TEX11: variants seen among roughly 807,000 people sequenced by gnomAD.
TEX11 encodes testis expressed 11.
Under a neutral mutation model 84.4 loss-of-function variants are expected in TEX11, and 7 were observed. The ratio of observed to expected loss-of-function variants is 0.08; its 90% CI spans 0.05 to 0.16. The LOEUF (loss-of-function observed/expected upper bound fraction) is 0.16. Among genes scored for constraint, TEX11 ranks in the 10% least tolerant of loss-of-function variants. The pLI, the probability that TEX11 is intolerant of heterozygous loss-of-function variation, is 1.00. For synonymous variants in TEX11, 264 were observed against 222.8 expected, an observed-to-expected ratio of 1.18 and a Z score of -1.64; for missense variants, 551 against 660.5, an observed-to-expected ratio of 0.83 and a Z score of 1.82.
chrX:70,885,249 G>A (rs1244322456), intron 2 of TEX11, among the ~76,000 whole-genome samples: 1 of 111,569 alleles, frequency 9.0e-6, no homozygotes, highest in Non-Finnish European at 1.9e-5. Context: ...CCAACAGTGG[G>A]TCAAGGAAAA....
chrX:70,732,253 A>G (rs1206496377), intron 11 of TEX11, among the ~76,000 whole-genome samples: 2 of 111,831 alleles, frequency 1.8e-5, no homozygotes, highest in African/African-American at 6.5e-5. Context: ...CAAGACAGGG[A>G]TGCCCTCTCT....
chrX:70,785,344 A>G (rs993352153), intron 9 of TEX11, among the ~76,000 whole-genome samples: 5 of 111,724 alleles, frequency 4.5e-5, no homozygotes, highest in Non-Finnish European at 9.4e-5. Context: ...ATTAAATGTT[A>G]GACCTGAAAC....
Position 70,722,599 on chromosome X carries a change from A to T in TEX11, c.1004+19T>A, listed in dbSNP as rs2090568617. 5 of 1,185,025 alleles carry T rather than the reference A, an allele frequency of 4.2e-6. No individual in the cohort carries two copies. Among genetic ancestry groups the T allele is most frequent in the African/African-American group, 1.8e-5 (1 of 56,647 alleles). The stretch of plus-strand genomic sequence containing the variant: ...CCAAAAACTGTCAGTCTTTAGAGAA[A>T]GGGAAATCAATTCTGTACCTTTCAT... On this transcript the variant is annotated intron_variant, in intron 13 of 29. Coordinates refer to ENST00000374333, the MANE Select transcript of TEX11 (RefSeq NM_031276.3).
intron 9 of TEX11, among the ~76,000 whole-genome samples, chrX:70,779,210 T>C (rs2091020856): frequency 9.2e-6 from 1 of 108,509 alleles, no homozygotes; most frequent in Non-Finnish European, 1.9e-5. Flanking sequence ...AGGTCAGGAG[T>C]TCTAGACCAG....
At chrX:70,588,816 C>CA in intron 25 of TEX11, among the ~76,000 whole-genome samples, 1 of 109,724 alleles carries the variant, frequency 9.1e-6, no homozygotes, top group Non-Finnish European at 1.9e-5. Context: ...CACCTGTAAT[C>CA]ACAGCACTTA....
At chrX:70,698,602 T>A (rs757662034) in intron 13 of TEX11, among the ~76,000 whole-genome samples, 1 of 109,225 alleles carries the variant, frequency 9.2e-6, no homozygotes, top group East Asian at 2.9e-4. Flanking sequence ...TTTGTGATGA[T>A]CCTAGAGGAA....
chrX:70,550,220 T>C (rs142616454), intron 28 of TEX11, among the ~76,000 whole-genome samples: 1 of 112,714 alleles, frequency 8.9e-6, no homozygotes. Flanking sequence ...GATCCCTATG[T>C]CTTGCCTTAT....
At chrX:70,760,825 C>A (rs539803979) in intron 9 of TEX11, among the ~76,000 whole-genome samples, 62 of 111,541 alleles carry the variant, frequency 5.6e-4, no homozygotes, top group African/African-American at 2.0e-3. Flanking sequence ...AACAGGCAGC[C>A]TACAGAATGG....
intron 17 of TEX11, among the ~76,000 whole-genome samples, chrX:70,639,413 C>A (rs1401232363): frequency 5.4e-5 from 6 of 112,099 alleles, no homozygotes; most frequent in Non-Finnish European, 1.1e-4. Context: ...GAGTGGAGCC[C>A]ACCACAGCTC....
At chrX:70,698,822 T>C (rs988465965) in intron 13 of TEX11, among the ~76,000 whole-genome samples, 2 of 111,579 alleles carry the variant, frequency 1.8e-5, no homozygotes, top group Non-Finnish European at 3.8e-5. Context: ...AATCCTTATA[T>C]GGCAAGAGAA....
intron 28 of TEX11, among the ~76,000 whole-genome samples, chrX:70,534,322 T>G (rs1346255319): frequency 3.6e-5 from 4 of 110,368 alleles, no homozygotes; most frequent in Non-Finnish European, 5.7e-5. Flanking sequence ...TAGTACTTGG[T>G]GATAGATTAG....
At chrX:70,699,780 G>T (rs1261548426) in intron 13 of TEX11, among the ~76,000 whole-genome samples, 1 of 111,018 alleles carries the variant, frequency 9.0e-6, no homozygotes, top group East Asian at 2.8e-4. Flanking sequence ...ATAGATTGTT[G>T]CTTGAGATAC....
intron 20 of TEX11, among the ~76,000 whole-genome samples, chrX:70,615,138 T>C (rs1435608565): frequency 1.8e-5 from 2 of 110,965 alleles, no homozygotes; most frequent in Non-Finnish European, 3.8e-5. Flanking sequence ...GCCCAGATAC[T>C]GATGAACACC....
chrX:70,752,736 C>A (rs913070791), intron 9 of TEX11, among the ~76,000 whole-genome samples: 1 of 110,013 alleles, frequency 9.1e-6, no homozygotes, highest in Non-Finnish European at 1.9e-5. Context: ...AATCACCTTC[C>A]TAAGAACCAG....
chrX:70,724,528 G>C (rs1217130252), intron 12 of TEX11, among the ~76,000 whole-genome samples: 3 of 111,533 alleles, frequency 2.7e-5, no homozygotes, highest in African/African-American at 9.7e-5. Flanking sequence ...TTACTGAAAA[G>C]CATGTACAAC....
chrX:70,794,195 G>A (rs2091141834), intron 9 of TEX11, among the ~76,000 whole-genome samples: 1 of 111,574 alleles, frequency 9.0e-6, no homozygotes, highest in African/African-American at 3.3e-5. Flanking sequence ...GCGTTTGGGG[G>A]ATAGAGAGTG....
At chrX:70,621,126 C>T (rs192976997) in intron 20 of TEX11, among the ~76,000 whole-genome samples, 22 of 110,231 alleles carry the variant, frequency 2.0e-4, no homozygotes, top group Non-Finnish European at 1.5e-4. Flanking sequence ...AGCACTCTGG[C>T]GGGGAATGGA....
At chrX:70,822,501 TAC>T (rs887928512) in intron 8 of TEX11, among the ~76,000 whole-genome samples, 5 of 110,607 alleles carry the variant, frequency 4.5e-5, no homozygotes, top group African/African-American at 1.3e-4. Context: ...TATGTATATA[TAC>T]ACACACACAC....
intron 11 of TEX11, among the ~76,000 whole-genome samples, chrX:70,727,375 T>C (rs2090607396): frequency 1.8e-5 from 2 of 111,772 alleles, no homozygotes; most frequent in Admixed American, 1.9e-4. Context: ...CATATGTATA[T>C]GCAATGTATA....
Sources: gnomAD v4.1 joint callset for allele counts (sites outside exome capture counted in the v4.1 genomes callset) on GRCh38, gnomAD v4.1.1 for gene constraint, MANE v1.5 for transcripts, NCBI Gene and HGNC (gene_info 2026-07-23, HGNC 2026-07-21) for gene names.